PRMT9: variants seen among roughly 807,000 people sequenced by gnomAD.
The protein encoded by PRMT9 is protein arginine N-methyltransferase 9.
Under a neutral mutation model 83.2 loss-of-function variants are expected in PRMT9, and 59 were observed. The observed-to-expected ratio is 0.71, with a 90% confidence interval of 0.57 to 0.88. PRMT9 has a LOEUF of 0.88. Ranked by LOEUF, PRMT9 falls within the 40% of genes least tolerant of loss-of-function variation. The pLI, the probability that PRMT9 is intolerant of heterozygous loss-of-function variation, is 0.00. For missense variants in PRMT9, 947 were observed against 1,021.9 expected (o/e 0.93, Z 1.00); for synonymous variants, 333 against 353.2 (o/e 0.94, Z 0.64).
At chr4:147,666,002 T>G (rs1018303281) in intron 6 of PRMT9, among the ~76,000 whole-genome samples, 2 of 152,184 alleles carry the variant, frequency 1.3e-5, no homozygotes, top group African/African-American at 4.8e-5. Context: ...ACAAACATCT[T>G]TAGTGTTGCT....
intron 8 of PRMT9, among the ~76,000 whole-genome samples, chr4:147,656,239 T>G (rs1734476279): frequency 6.6e-6 from 1 of 152,158 alleles, no homozygotes; most frequent in Non-Finnish European, 1.5e-5. Context: ...ATTAAGAAAC[T>G]AAACAGAAAT....
intron 8 of PRMT9, among the ~76,000 whole-genome samples, chr4:147,656,443 C>A (rs1217200236): frequency 1.3e-5 from 2 of 151,982 alleles, no homozygotes; most frequent in African/African-American, 4.8e-5. Flanking sequence ...CAAGCACTTG[C>A]CACCATCCCC....
intron 9 of PRMT9, among the ~76,000 whole-genome samples, chr4:147,646,950 G>C (rs1733772501): frequency 6.6e-6 from 1 of 152,102 alleles, no homozygotes; most frequent in South Asian, 2.1e-4. Flanking sequence ...ACGGACCCAG[G>C]CATAGGGTAA....
At chr4:147,666,769 T>G (rs531218320) in intron 6 of PRMT9, among the ~76,000 whole-genome samples, 46 of 151,684 alleles carry the variant, frequency 3.0e-4, no homozygotes, top group African/African-American at 1.0e-3. Context: ...CACTCACATT[T>G]ATTTTGTCAA....
chr4:147,668,483 T>C (rs1735494969), intron 6 of PRMT9, 56 bp downstream of exon 6: 4 of 1,035,430 alleles, frequency 3.9e-6, no homozygotes, highest in Non-Finnish European at 6.0e-6. Flanking sequence ...CCTTTATAAA[T>C]TACCCAATCT....
At position 147,668,573 on chromosome 4, in the gene PRMT9, C is replaced by T. The variant is rs751021005; in HGVS notation, c.919G>A (p.Ala307Thr). The T allele has an allele frequency of 5.6e-6, 9 of 1,610,418 alleles. No individual in the cohort carries two copies. Among genetic ancestry groups the T allele is most frequent in the South Asian group, 4.4e-5 (4 of 91,024 alleles). The change falls in exon 6 of 12, where the codon GCA becomes ACA. Residue 307 changes from alanine to threonine, a missense_variant. Coordinates refer to ENST00000322396, the MANE Select transcript of PRMT9 (RefSeq NM_138364.4). ...IPASAVIFGM[A>T]VECAEIRRHH... ...CTTCTTATCTCTGCACATTCTACTGCCATCCCAAATATAACAGCACTTGCT... is the reference window on the plus strand; with the variant it reads ...CTTCTTATCTCTGCACATTCTACTGTCATCCCAAATATAACAGCACTTGCT...
intron 6 of PRMT9, among the ~76,000 whole-genome samples, chr4:147,666,764 A>T (rs1216512989): frequency 6.6e-6 from 1 of 150,794 alleles, no homozygotes; most frequent in African/African-American, 2.4e-5. Context: ...AGTAGCACTC[A>T]CATTTATTTT....
At chr4:147,671,704 C>T (rs1326231523) in intron 4 of PRMT9, among the ~76,000 whole-genome samples, 4 of 152,134 alleles carry the variant, frequency 2.6e-5, no homozygotes, top group African/African-American at 9.7e-5. Flanking sequence ...TAGACATTTG[C>T]TTAAGGTCAA....
intron 1 of PRMT9, among the ~76,000 whole-genome samples, chr4:147,680,808 C>T (rs752145295): frequency 1.3e-5 from 2 of 152,206 alleles, no homozygotes; most frequent in Non-Finnish European, 2.9e-5. Context: ...TCTTTTTTCA[C>T]TCATCCATCC....
At chr4:147,655,303 C>T (rs749185067) in intron 8 of PRMT9, among the ~76,000 whole-genome samples, 23 of 151,980 alleles carry the variant, frequency 1.5e-4, no homozygotes, top group Non-Finnish European at 2.4e-4. Context: ...GCTGAGACTA[C>T]GGATACATGC....
Position 147,654,084 on chromosome 4 carries a change from T to C in PRMT9, c.1813A>G (p.Lys605Glu). 6.2e-7 allele frequency: 1 copy of C among 1,614,210 alleles called. No individual in the cohort carries two copies. The highest frequency in any genetic ancestry group is 8.5e-7 in the Non-Finnish European group (1 of 1,180,030). ...TCTTTCTCCACAGAACTGTATGGTT[T>C]AACCTGCCCAAGTGTGCCAGCAATA... ...PVIAGTLGQV[K>E]PYSSVEKDQH... Residue 605 changes from lysine to glutamate, a missense_variant, in exon 9 of 12, where the codon AAA (lysine) becomes GAA (glutamate). Physicochemically the swap from Lys to Glu is moderately conservative, Grantham distance 56. Coordinates refer to ENST00000322396, the MANE Select transcript of PRMT9 (RefSeq NM_138364.4).
At chr4:147,639,105 A>G in intron 10 of PRMT9, 23 bp from the exon 11 acceptor site, 2 of 1,612,384 alleles carry the variant, frequency 1.2e-6, no homozygotes. Flanking sequence ...TAAATTTTTC[A>G]CTTTCACTTT....
In PRMT9 at chr4:147,668,618, T is replaced by G. The variant is rs766688278; in HGVS notation, c.874A>C (p.Lys292Gln). 9 of 1,611,242 alleles carry G rather than the reference T, an allele frequency of 5.6e-6. No homozygotes were observed. Among genetic ancestry groups the G allele is most frequent in the Non-Finnish European group, 6.8e-6 (8 of 1,177,760 alleles). The change falls in exon 6 of 12, where the codon AAG becomes CAG. Residue 292 changes from lysine to glutamine, a missense_variant. Coordinates refer to ENST00000322396, the MANE Select transcript of PRMT9 (RefSeq NM_138364.4). ...CTTGCTGGTATAACTTTCCCATACT[T>G]TTCACAATTAGCACTTTCACCTTTG... Reference protein sequence around the residue: ...KTKGESANCEKYGKVIPASAV... With the variant: ...KTKGESANCEQYGKVIPASAV...
intron 6 of PRMT9, among the ~76,000 whole-genome samples, chr4:147,665,912 C>A (rs940876186): frequency 6.6e-6 from 1 of 152,142 alleles, no homozygotes; most frequent in Admixed American, 6.6e-5. Context: ...TAGTGAACAT[C>A]CTTGTACACA....
At chr4:147,646,671 AG>A (rs1322777177) in intron 9 of PRMT9, among the ~76,000 whole-genome samples, 1 of 21,042 alleles carries the variant, frequency 4.8e-5, no homozygotes, top group African/African-American at 1.5e-4. Context: ...GAGGGGGGGG[AG>A]GGGGGTGCAG....
intron 8 of PRMT9, among the ~76,000 whole-genome samples, chr4:147,655,575 T>C (rs552596200): frequency 6.6e-6 from 1 of 152,280 alleles, no homozygotes; most frequent in African/African-American, 2.4e-5. Context: ...TTGGAGACAG[T>C]GTCTTGCTTT....
At chr4:147,657,524 TA>T (rs766358946) in intron 8 of PRMT9, among the ~76,000 whole-genome samples, 701 of 138,794 alleles carry the variant, frequency 5.1e-3, no homozygotes, top group Admixed American at 5.1e-3. Context: ...ACTCTGTCGT[TA>T]AAAAAAAAAA....
intron 4 of PRMT9, among the ~76,000 whole-genome samples, chr4:147,671,545 G>A (rs76711213): frequency 6.6e-6 from 1 of 152,198 alleles, no homozygotes; most frequent in African/African-American, 2.4e-5. Context: ...TATCTAGACT[G>A]TAAGTTCCTT....
At chr4:147,662,452 C>T (rs987522682) in intron 6 of PRMT9, among the ~76,000 whole-genome samples, 5 of 152,116 alleles carry the variant, frequency 3.3e-5, no homozygotes, top group Admixed American at 3.3e-4. Context: ...GAAAATTCAT[C>T]AAATCATAAA....
Sources: allele counts gnomAD v4.1 joint callset (sites outside exome capture counted in the v4.1 genomes callset), GRCh38; gene constraint gnomAD v4.1.1; transcripts MANE v1.5; gene names NCBI Gene and HGNC (gene_info 2026-07-23, HGNC 2026-07-21).